Variants in ANO5 observed in about 807,000 individuals in gnomAD.
The protein encoded by ANO5 is anoctamin 5, also known as anoctamin-5.
ANO5 carries 109 observed loss-of-function variants against 121.0 expected under a neutral mutation model. That is an observed-to-expected ratio of 0.90 (90% CI 0.77 to 1.06). The LOEUF (loss-of-function observed/expected upper bound fraction) is 1.06. Among genes scored for constraint, ANO5 ranks in the 50% least tolerant of loss-of-function variants. The probability of loss-of-function intolerance (pLI) is 0.00; values close to 1 mark genes in which losing one functional copy is unlikely to be tolerated. For missense variants in ANO5, 1,064 were observed against 1,078.5 expected (o/e 0.99, Z 0.19); for synonymous variants, 406 against 359.9 (o/e 1.13, Z -1.45).
intron 3 of ANO5, among the ~76,000 whole-genome samples, chr11:22,216,613 T>TTGTG (rs2133571928): frequency 6.6e-6 from 1 of 152,064 alleles, no homozygotes; most frequent in East Asian, 1.9e-4. Flanking sequence ...ACCTTACTTA[T>TTGTG]TGTGAACATT....
intron 12 of ANO5, among the ~76,000 whole-genome samples, chr11:22,253,968 T>C (rs1437775747): frequency 6.6e-6 from 1 of 152,190 alleles, no homozygotes; most frequent in African/African-American, 2.4e-5. Context: ...ATGAATAAGG[T>C]CTGTACAACA....
chr11:22,218,100 C>T, intron 3 of ANO5, 146 bp from the exon 4 acceptor site: 2 of 803,212 alleles, frequency 2.5e-6, no homozygotes, highest in South Asian at 1.6e-5. Context: ...AATTTGTATC[C>T]TCCAGTTTGA....
chr11:22,210,819 C>T (rs7102678), intron 2 of ANO5, among the ~76,000 whole-genome samples: 125,489 of 151,856 alleles, frequency 0.83, 52,362 homozygotes, highest in African/African-American at 0.93. Context: ...TGATTTCAAA[C>T]AAATGTTGAA....
At chr11:22,277,813 T>A (rs1854923713) in intron 21 of ANO5, 1 of 151,536 alleles carries the variant, frequency 6.6e-6, no homozygotes, top group African/African-American at 2.4e-5. Flanking sequence ...TCCTGGGACT[T>A]CTCTTCATCT....
At chr11:22,214,911 T>A (rs10766920) in intron 3 of ANO5, among the ~76,000 whole-genome samples, 105,016 of 151,782 alleles carry the variant, frequency 0.69, 37,863 homozygotes, top group Non-Finnish European at 0.81. Flanking sequence ...TTATAAATAT[T>A]TAATAATGCA....
At chr11:22,194,534 C>T (rs1851750102) in intron 1 of ANO5, among the ~76,000 whole-genome samples, 1 of 152,058 alleles carries the variant, frequency 6.6e-6, no homozygotes, top group African/African-American at 2.4e-5. Flanking sequence ...AGTTTTGTAA[C>T]TATCATCATA....
chr11:22,260,915 C>T (rs934817166), intron 15 of ANO5, among the ~76,000 whole-genome samples: 1 of 152,120 alleles, frequency 6.6e-6, no homozygotes, highest in Non-Finnish European at 1.5e-5. Context: ...CATGATCATG[C>T]ATTTTAAATA....
rs543755320 is a variant in ANO5, at chr11:22,219,457, G to A, written c.180+1170G>A. On this transcript the variant is annotated intron_variant, in intron 4 of 21. Coordinates refer to ENST00000324559, the MANE Select transcript of ANO5 (RefSeq NM_213599.3). The stretch of plus-strand genomic sequence containing the variant: ...GCTTATGTAAACAATACAAGTACCT[G>A]TAAATATATTAGTTTTTGAAAACAA... Among the ~76,000 whole-genome samples the A allele has an allele frequency of 5.7e-4, 86 of 151,966 alleles. 2 individuals carry two copies. The South Asian group carries it at 0.018, about 31-fold the overall frequency.
chr11:22,267,790 C>T (rs1854427111), intron 17 of ANO5, among the ~76,000 whole-genome samples: 1 of 152,116 alleles, frequency 6.6e-6, no homozygotes, highest in Non-Finnish European at 1.5e-5. Flanking sequence ...CTGATAGGCC[C>T]CAGTGTCTGC....
rs183205998 is a variant in ANO5 at position 22,254,813 on chromosome 11, C to T, written c.1181-558C>T. 2.7e-4 allele frequency among the ~76,000 whole-genome samples: 41 copies of T among 151,972 alleles called. No individual in the cohort carries two copies. In the East Asian group the frequency reaches 7.7e-3, roughly 29 times the overall value. On this transcript the variant is annotated intron_variant, in intron 12 of 21. Transcript: ENST00000324559. Reference sequence around the variant, plus strand: ...CTTTGGGGGGCTGAGGTGGAAGGATCACTAGAAGCCAGGAGTTCAAGACCA... The same window carrying T: ...CTTTGGGGGGCTGAGGTGGAAGGATTACTAGAAGCCAGGAGTTCAAGACCA...
intron 17 of ANO5, among the ~76,000 whole-genome samples, chr11:22,265,176 A>G (rs12277510): frequency 0.011 from 1,749 of 152,304 alleles, 34 homozygotes; most frequent in African/African-American, 0.039. Flanking sequence ...GTGAAACTAC[A>G]GAACACCAAA....
chr11:22,265,146 T>C (rs1854318570), intron 17 of ANO5, among the ~76,000 whole-genome samples: 1 of 152,114 alleles, frequency 6.6e-6, no homozygotes, highest in Admixed American at 6.5e-5. Flanking sequence ...AGAATTCAAT[T>C]CATACCCAGA....
At chr11:22,271,065 C>A (rs1336169934) in intron 18 of ANO5, among the ~76,000 whole-genome samples, 4 of 152,066 alleles carry the variant, frequency 2.6e-5, no homozygotes, top group Non-Finnish European at 4.4e-5. Flanking sequence ...ATTAAGGAAA[C>A]TGTTTGAGAC....
intron 9 of ANO5, among the ~76,000 whole-genome samples, chr11:22,243,449 C>T (rs1196519793): frequency 6.6e-6 from 1 of 151,792 alleles, no homozygotes; most frequent in South Asian, 2.1e-4. Flanking sequence ...TATGGAGAAG[C>T]CTTTCCTTTT....
Position 22,280,107 on chromosome 11 carries a change from G to A in ANO5, c.*342G>A, listed in dbSNP as rs1311652781. On this transcript the variant is annotated 3_prime_UTR_variant, in exon 22 of 22. Coordinates refer to ENST00000324559, the MANE Select transcript of ANO5 (RefSeq NM_213599.3). Reference sequence around the variant, plus strand: ...CCTTGGGCTGTCCCATCACTTTCCAGTGCATCTATTTATTTTTGTGGTCTT... The same window carrying A: ...CCTTGGGCTGTCCCATCACTTTCCAATGCATCTATTTATTTTTGTGGTCTT... The A allele has an allele frequency of 4.3e-6, 1 of 234,680 alleles. No individual in the cohort carries two copies. The highest frequency in any genetic ancestry group is 1.1e-4 in the East Asian group (1 of 9,288). The allele number at this position is 234,680 out of a possible 1,614,324, so 14.5% of individuals were successfully genotyped here.
In ANO5 at chr11:22,250,515, A is replaced by G. The variant is rs192732414; in HGVS notation, c.1013+144A>G. On this transcript the variant is annotated intron_variant, in intron 10 of 21. Coordinates refer to ENST00000324559, the MANE Select transcript of ANO5 (RefSeq NM_213599.3). Reference sequence around the variant, plus strand: ...GATATTTTCCAAAAACTACTCAAACATAACAGTTGCCTCTCACCTGGTGCT... The same window carrying G: ...GATATTTTCCAAAAACTACTCAAACGTAACAGTTGCCTCTCACCTGGTGCT... 3,070 of 1,234,924 alleles carry G rather than the reference A, an allele frequency of 2.5e-3. 67 individuals carry two copies. The East Asian group carries it at 0.055, about 22-fold the overall frequency. The allele number at this position is 1,234,924 out of a possible 1,614,324, so 76.5% of individuals were successfully genotyped here. A position where few individuals can be genotyped will look rare whatever the true frequency, so the allele number is the denominator to read the frequency against.
chr11:22,202,930 A>T (rs952857968), intron 1 of ANO5, among the ~76,000 whole-genome samples: 2 of 152,118 alleles, frequency 1.3e-5, no homozygotes, highest in Non-Finnish European at 2.9e-5. Flanking sequence ...TAAAGACTAC[A>T]TTTCCAAATT....
chr11:22,206,463 C>G (rs900213972), intron 2 of ANO5, among the ~76,000 whole-genome samples: 1 of 151,954 alleles, frequency 6.6e-6, no homozygotes, highest in Non-Finnish European at 1.5e-5. Flanking sequence ...CAGGTGTATG[C>G]CATCACACCT....
rs979037481 is a variant in ANO5, at chr11:22,232,297, A to G, written c.649-3866A>G. Among the ~76,000 whole-genome samples the G allele has an allele frequency of 2.0e-5, 3 of 151,878 alleles. No homozygotes were observed. The Admixed American group carries it at 2.0e-4, about 10-fold the overall frequency. On this transcript the variant is annotated intron_variant, in intron 7 of 21. Coordinates refer to ENST00000324559, the MANE Select transcript of ANO5 (RefSeq NM_213599.3). ...ATGTAAATGAGATTGATCTCCTTGT[A>G]TATGTTTATTGGCCATCTAGATACG... is the stretch of plus-strand genomic sequence containing the variant.
Sources: gnomAD v4.1 joint callset for allele counts (sites outside exome capture counted in the v4.1 genomes callset) on GRCh38, gnomAD v4.1.1 for gene constraint, MANE v1.5 for transcripts, NCBI Gene and HGNC (gene_info 2026-07-23, HGNC 2026-07-21) for gene names.